Variants in P4HA2 observed in about 807,000 individuals in gnomAD.
P4HA2 encodes the protein prolyl 4-hydroxylase subunit alpha-2.
Under a neutral mutation model 76.9 loss-of-function variants are expected in P4HA2, and 46 were observed. The observed-to-expected ratio is 0.60, with a 90% confidence interval of 0.47 to 0.76. The LOEUF is 0.76. Ranked by LOEUF, P4HA2 falls within the 30% of genes least tolerant of loss-of-function variation. The pLI, the probability that P4HA2 is intolerant of heterozygous loss-of-function variation, is 0.00. For missense variants in P4HA2, 583 were observed against 669.4 expected, an observed-to-expected ratio of 0.87 and a Z score of 1.42; for synonymous variants, 243 against 254.0, an observed-to-expected ratio of 0.96 and a Z score of 0.41.
At chr5:132,207,411 C>T (rs1321317953) in intron 8 of P4HA2, among the ~76,000 whole-genome samples, 6 of 152,192 alleles carry the variant, frequency 3.9e-5, no homozygotes, top group South Asian at 2.1e-4. Flanking sequence ...AACTCACCCA[C>T]GCACCAGTCT....
In P4HA2 at chr5:132,207,762, G is replaced by A. The variant is rs201974946; in HGVS notation, c.1026C>T (p.Tyr342=). Residue 342 remains tyrosine (Y), a synonymous_variant, in exon 8 of 15, where the codon TAC becomes TAT. Coordinates refer to ENST00000360568, the MANE Select transcript of P4HA2 (RefSeq NM_001017974.2). ...CGATTTCCTCATCAGACATGACATC[G>A]TAGTACCTGACGATGTGCGGGCTGT... is the stretch of plus-strand genomic sequence containing the variant. ...EWDSPHIVRY[Y]DVMSDEEIER... is the part of the protein sequence containing the mutation. 85 of 1,613,884 alleles carry A rather than the reference G, an allele frequency of 5.3e-5. No individual in the cohort carries two copies. The highest frequency in any genetic ancestry group is 5.0e-4 in the Admixed American group (30 of 60,012).
chr5:132,204,910 G>A (rs973684432), intron 8 of P4HA2, among the ~76,000 whole-genome samples: 2 of 152,206 alleles, frequency 1.3e-5, no homozygotes, highest in Non-Finnish European at 2.9e-5. Context: ...AGGGGGACTC[G>A]CCGCCCAGAG....
chr5:132,204,648 T>C (rs766522072), intron 8 of P4HA2, among the ~76,000 whole-genome samples: 2 of 152,046 alleles, frequency 1.3e-5, no homozygotes, highest in Non-Finnish European at 1.5e-5. Context: ...AAGAAACCCA[T>C]CCAAACACTC....
intron 8 of P4HA2, among the ~76,000 whole-genome samples, 197 bp from the exon 9 acceptor site, chr5:132,204,349 C>A (rs149954312): frequency 6.6e-6 from 1 of 152,210 alleles, no homozygotes; most frequent in Non-Finnish European, 1.5e-5. Context: ...ATTCCCAATC[C>A]GCAATCAGTT....
chr5:132,193,143 C>T, intron 14 of P4HA2, 63 bp from the exon 15 acceptor site: 1 of 1,112,776 alleles, frequency 9.0e-7, no homozygotes, highest in Non-Finnish European at 1.4e-6. Flanking sequence ...GAATGAATGA[C>T]TCCTTCATGA....
chr5:132,218,636 G>A lies in P4HA2; in HGVS notation c.-10C>T, dbSNP rs1194632753. 1.9e-6 allele frequency: 3 copies of A among 1,608,114 alleles called. No individual in the cohort carries two copies. The highest frequency in any genetic ancestry group is 1.7e-5 in the Admixed American group (1 of 60,004). ...ACACCCAGAGTTTCATGGTCACAGAGGGAAGTGTCTGAAAGGCATTCAATG... is the reference window on the plus strand; with the variant it reads ...ACACCCAGAGTTTCATGGTCACAGAAGGAAGTGTCTGAAAGGCATTCAATG... On this transcript the variant is annotated 5_prime_UTR_variant, in exon 2 of 15. Coordinates refer to ENST00000360568, the MANE Select transcript of P4HA2 (RefSeq NM_001017974.2).
Position 132,198,918 on chromosome 5 carries a change from T to G in P4HA2, c.1266A>C (p.Gly422=), listed in dbSNP as rs770968241. 1 of 1,611,928 alleles carries G rather than the reference T, an allele frequency of 6.2e-7. No homozygotes were observed. The highest frequency in any genetic ancestry group is 8.5e-7 in the Non-Finnish European group (1 of 1,178,008). Residue 422 remains glycine, a synonymous_variant, in exon 11 of 15, where the codon GGA becomes GGC. Coordinates refer to ENST00000360568, the MANE Select transcript of P4HA2 (RefSeq NM_001017974.2). Reference sequence around the variant, plus strand: ...AGTGCGGTTCATACTGTCCTCCCACTCCATAATTTGCAACCTGTGGGAAAT... The same window carrying G: ...AGTGCGGTTCATACTGTCCTCCCACGCCATAATTTGCAACCTGTGGGAAAT... ...TAELLQVANY[G]VGGQYEPHFD... is the part of the protein sequence containing the mutation.
chr5:132,225,147 G>A (rs1245402847), intron 1 of P4HA2, among the ~76,000 whole-genome samples: 1 of 151,798 alleles, frequency 6.6e-6, no homozygotes, highest in African/African-American at 2.4e-5. Flanking sequence ...CTTTGCTCTA[G>A]GACAGGCTGA....
rs1270163649 is a variant in P4HA2 at position 132,191,679 on chromosome 5, T to TA, written c.*1330dup. On this transcript the variant is annotated 3_prime_UTR_variant, in exon 15 of 15. Transcript: ENST00000360568. ...CATTTACTCCTGGTGAGAATGTGTA[T>TA]AACCACCTTGGAATACATTATTTAG... Among the ~76,000 whole-genome samples, 1 of 152,178 alleles carries TA rather than the reference T, an allele frequency of 6.6e-6. No individual in the cohort carries two copies. Among genetic ancestry groups the TA allele is most frequent in the Non-Finnish European group, 1.5e-5 (1 of 68,034 alleles).
chr5:132,222,946 C>T (rs1200912545), intron 1 of P4HA2, among the ~76,000 whole-genome samples: 2 of 152,178 alleles, frequency 1.3e-5, no homozygotes, highest in African/African-American at 4.8e-5. Flanking sequence ...ATGAGACTAA[C>T]CCACAAAAGG....
chr5:132,196,285 C>T (rs1750634725), intron 12 of P4HA2, among the ~76,000 whole-genome samples: 2 of 152,136 alleles, frequency 1.3e-5, no homozygotes, highest in South Asian at 4.1e-4. Context: ...TTCTCACAGC[C>T]CTGTGGATCA....
rs76741539 is a variant in P4HA2, at chr5:132,191,511, C to CA, written c.*1498dup. On this transcript the variant is annotated 3_prime_UTR_variant, in exon 15 of 15. Transcript: ENST00000360568. ...TGGGCGACAGAGCGAGACTCCGTCTCAAAAAAAAAAAAAAAAAAAAAGATT... is the reference window on the plus strand; with the variant it reads ...TGGGCGACAGAGCGAGACTCCGTCTCAAAAAAAAAAAAAAAAAAAAAAGATT... Among the ~76,000 whole-genome samples the CA allele has an allele frequency of 0.076, 3,656 of 47,832 alleles. 180 individuals are homozygous for CA. Among genetic ancestry groups the CA allele is most frequent in the East Asian group, 0.16 (281 of 1,794 alleles). 31.4% of individuals were successfully genotyped at this position (47,832 alleles called of 152,430 possible).
At chr5:132,198,114 G>A in intron 12 of P4HA2, 6 of 1,572,714 alleles carry the variant, frequency 3.8e-6, no homozygotes, top group Non-Finnish European at 5.2e-6. Flanking sequence ...TTACTTAACA[G>A]CAGATGAGAT....
intron 1 of P4HA2, among the ~76,000 whole-genome samples, chr5:132,223,009 G>A (rs960031333): frequency 1.3e-5 from 2 of 151,728 alleles, no homozygotes; most frequent in Non-Finnish European, 2.9e-5. Flanking sequence ...TGCATCTTAC[G>A]TCCCACCTTG....
chr5:132,209,267 T>C lies in P4HA2; in HGVS notation c.774A>G (p.Arg258=), dbSNP rs760456591. The C allele has an allele frequency of 1.2e-6, 2 of 1,614,036 alleles. No individual in the cohort carries two copies. The highest frequency in any genetic ancestry group is 1.3e-5 in the African/African-American group (1 of 74,908). The change falls in exon 7 of 15, where the codon AGA becomes AGG. Residue 258 remains arginine (R), a synonymous_variant. Coordinates refer to ENST00000360568, the MANE Select transcript of P4HA2 (RefSeq NM_001017974.2). ...RYFEQLLEEE[R]EKTLTNQTEA... ...CTGTCTGATTTGTTAACGTTTTTTCTCTCTCTTCCTCCAATAACTGCTCAA... is the reference window on the plus strand; with the variant it reads ...CTGTCTGATTTGTTAACGTTTTTTCCCTCTCTTCCTCCAATAACTGCTCAA...
chr5:132,198,220 T>C, intron 12 of P4HA2, 101 bp downstream of exon 12: 2 of 1,614,142 alleles, frequency 1.2e-6, no homozygotes, highest in Non-Finnish European at 1.7e-6. Flanking sequence ...TTTAAGAAAG[T>C]AGCCACACGA....
At chr5:132,198,151 G>C in intron 12 of P4HA2, 170 bp downstream of exon 12, 1 of 1,610,576 alleles carries the variant, frequency 6.2e-7, no homozygotes, top group Non-Finnish European at 8.5e-7. Context: ...GGGATATAAG[G>C]CAGCCCTCTG....
At chr5:132,198,957 C>G in intron 10 of P4HA2, 25 bp from the exon 11 acceptor site, 1 of 1,551,046 alleles carries the variant, frequency 6.4e-7, no homozygotes, top group Non-Finnish European at 8.9e-7. Flanking sequence ...AGCATTAGAC[C>G]TTGTAAGCAG....
intron 14 of P4HA2, chr5:132,193,302 G>T: frequency 2.2e-6 from 1 of 458,538 alleles, no homozygotes; most frequent in Non-Finnish European, 3.9e-6. Flanking sequence ...ATGTGTGCAG[G>T]TTGCCATGGG....
Sources: gnomAD v4.1 joint callset for allele counts (sites outside exome capture counted in the v4.1 genomes callset) on GRCh38, gnomAD v4.1.1 for gene constraint, MANE v1.5 for transcripts, NCBI Gene and HGNC (gene_info 2026-07-23, HGNC 2026-07-21) for gene names.